The following ANO10 variants were observed in gnomAD, a reference collection of about 807,000 sequenced individuals.
ANO10 encodes anoctamin 10, also known as anoctamin-10.
In ANO10, 77 loss-of-function variants were observed where a neutral mutation model predicts 74.7. The observed-to-expected ratio is 1.03, with a 90% CI of 0.86 to 1.25. The LOEUF (loss-of-function observed/expected upper bound fraction) is 1.25. ANO10 is among the 50% of genes most tolerant of loss of function. ANO10 has a pLI of 0.00. For synonymous variants in ANO10, 279 were observed against 284.9 expected (o/e 0.98, Z 0.21); for missense variants, 721 against 778.1 (o/e 0.93, Z 0.87).
intron 11 of ANO10, among the ~76,000 whole-genome samples, chr3:43,446,925 C>CT (rs2093254991): frequency 6.6e-6 from 1 of 152,166 alleles, no homozygotes; most frequent in Non-Finnish European, 1.5e-5. Flanking sequence ...CTGCCCTCAT[C>CT]TTCCCAATGC....
chr3:43,651,420 T>C (rs2083785349), intron 1 of ANO10, among the ~76,000 whole-genome samples: 1 of 152,162 alleles, frequency 6.6e-6, no homozygotes, highest in Admixed American at 6.5e-5. Context: ...AGTACAAATG[T>C]AGTCTACACA....
chr3:43,524,402 G>C (rs151245863), intron 11 of ANO10, among the ~76,000 whole-genome samples: 1 of 75,828 alleles, frequency 1.3e-5, no homozygotes, highest in Non-Finnish European at 3.2e-5. Context: ...CCTGAGAGCT[G>C]TCTATAAGTG....
At chr3:43,572,837 G>A (rs1457073279) in intron 7 of ANO10, among the ~76,000 whole-genome samples, 1 of 152,122 alleles carries the variant, frequency 6.6e-6, no homozygotes, top group Non-Finnish European at 1.5e-5. Flanking sequence ...TAGAAAGTGA[G>A]CAGTAAGATC....
At chr3:43,450,889 TCA>T (rs1380875838) in intron 11 of ANO10, among the ~76,000 whole-genome samples, 1 of 152,226 alleles carries the variant, frequency 6.6e-6, no homozygotes, top group Non-Finnish European at 1.5e-5. Context: ...TCTAATCCAT[TCA>T]CAGATGAATT....
At chr3:43,505,723 G>A (rs1477811423) in intron 11 of ANO10, among the ~76,000 whole-genome samples, 2 of 152,154 alleles carry the variant, frequency 1.3e-5, no homozygotes, top group African/African-American at 4.8e-5. Context: ...GTCAGCCAGT[G>A]GGTTTGAATT....
intron 11 of ANO10, among the ~76,000 whole-genome samples, chr3:43,441,906 A>T (rs959944482): frequency 6.6e-6 from 1 of 152,200 alleles, no homozygotes; most frequent in Non-Finnish European, 1.5e-5. Context: ...GACAAACCAC[A>T]TTATTTCAAT....
intron 1 of ANO10, among the ~76,000 whole-genome samples, chr3:43,615,706 T>G (rs1247695636): frequency 2.6e-5 from 4 of 151,856 alleles, no homozygotes; most frequent in Non-Finnish European, 5.9e-5. Context: ...CAGGCTGGAG[T>G]GCAGTGGCGC....
intron 1 of ANO10, among the ~76,000 whole-genome samples, chr3:43,677,158 CA>C (rs2084133818): frequency 6.6e-6 from 1 of 152,114 alleles, no homozygotes; most frequent in Admixed American, 6.5e-5. Context: ...TATGCAGCCC[CA>C]AAAAGAATGA....
intron 11 of ANO10, among the ~76,000 whole-genome samples, chr3:43,489,603 G>C (rs909225825): frequency 2.4e-4 from 36 of 152,206 alleles, no homozygotes; most frequent in African/African-American, 8.4e-4. Flanking sequence ...GGGCACAAGA[G>C]GATGCAGCAA....
intron 10 of ANO10, among the ~76,000 whole-genome samples, chr3:43,553,805 G>A (rs1270712858): frequency 6.6e-6 from 1 of 152,254 alleles, no homozygotes; most frequent in Admixed American, 6.5e-5. Context: ...AAAGTGCTGG[G>A]ATTACAGGCG....
chr3:43,644,208 G>A (rs1415798049), intron 1 of ANO10, among the ~76,000 whole-genome samples: 4 of 152,016 alleles, frequency 2.6e-5, no homozygotes, highest in African/African-American at 7.3e-5. Context: ...TTGGATCTCT[G>A]GTCCATTTGG....
chr3:43,420,898 C>T (rs1006799181), intron 12 of ANO10, among the ~76,000 whole-genome samples: 3 of 152,182 alleles, frequency 2.0e-5, no homozygotes, highest in Non-Finnish European at 4.4e-5. Flanking sequence ...TCTTTAAATT[C>T]GATGATGCCA....
At chr3:43,483,052 T>C (rs190380377) in intron 11 of ANO10, among the ~76,000 whole-genome samples, 67 of 152,346 alleles carry the variant, frequency 4.4e-4, no homozygotes, top group African/African-American at 1.1e-3. Context: ...TTTGGTCATG[T>C]TTAAGAATTA....
chr3:43,425,982 C>T (rs998180932), intron 12 of ANO10, among the ~76,000 whole-genome samples: 1 of 152,144 alleles, frequency 6.6e-6, no homozygotes, highest in African/African-American at 2.4e-5. Context: ...AGAACCTTGG[C>T]TTCCACAAAC....
At chr3:43,431,793 A>AC (rs1404009832) in intron 12 of ANO10, among the ~76,000 whole-genome samples, 18 of 151,948 alleles carry the variant, frequency 1.2e-4, no homozygotes, top group Admixed American at 1.2e-3. Flanking sequence ...CCGGCGCACT[A>AC]CCCTTGGAGC....
At chr3:43,484,819 G>A (rs779056252) in intron 11 of ANO10, among the ~76,000 whole-genome samples, 2 of 152,170 alleles carry the variant, frequency 1.3e-5, no homozygotes, top group African/African-American at 2.4e-5. Context: ...GGGGGACTTA[G>A]GATTTTATTT....
At chr3:43,381,375 A>C (rs57971257) in intron 12 of ANO10, among the ~76,000 whole-genome samples, 124 of 152,324 alleles carry the variant, frequency 8.1e-4, no homozygotes, top group African/African-American at 2.9e-3. Context: ...GTGGAAAAAG[A>C]TATTCCATGA....
At position 43,500,323 on chromosome 3, in the gene ANO10, C is replaced by T. The variant is rs1051670781; in HGVS notation, c.1797+49397G>A. Among the ~76,000 whole-genome samples the T allele has an allele frequency of 4.6e-5, 7 of 152,256 alleles. No individual in the cohort carries two copies. In the South Asian group the frequency reaches 1.4e-3, roughly 32 times the overall value. On this transcript the variant is annotated intron_variant, in intron 11 of 12. Coordinates refer to ENST00000292246, the MANE Select transcript of ANO10 (RefSeq NM_018075.5). ...CACCACTCTATCCAGGATTTCCTTC[C>T]AAGCAGCTGGCATCCATTTGCAAGC...
intron 11 of ANO10, among the ~76,000 whole-genome samples, chr3:43,466,563 A>C (rs776807440): frequency 6.6e-6 from 1 of 152,150 alleles, no homozygotes; most frequent in African/African-American, 2.4e-5. Context: ...CTGGATATTC[A>C]TATAGGAAAA....
Sources: gnomAD v4.1 joint callset for allele counts (sites outside exome capture counted in the v4.1 genomes callset) on GRCh38, gnomAD v4.1.1 for gene constraint, MANE v1.5 for transcripts, NCBI Gene and HGNC (gene_info 2026-07-23, HGNC 2026-07-21) for gene names.